The following SDK1 variants were observed in gnomAD, a reference collection of about 807,000 sequenced individuals.
SDK1 encodes sidekick cell adhesion molecule 1, also known as protein sidekick-1.
A neutral mutation model predicts 245.5 loss-of-function variants in SDK1; 157 were observed. The observed-to-expected ratio is 0.64, with a 90% CI of 0.56 to 0.73. SDK1 has a LOEUF of 0.73. Among genes scored for constraint, SDK1 ranks in the 30% least tolerant of loss-of-function variants. SDK1 has a pLI of 0.00. For synonymous variants in SDK1, 1,647 were observed against 1,278.5 expected, an observed-to-expected ratio of 1.29 and a Z score of -6.15; for missense variants, 3,583 against 3,002.3, an observed-to-expected ratio of 1.19 and a Z score of -4.52.
intron 1 of SDK1, among the ~76,000 whole-genome samples, chr7:3,455,917 C>A (rs1359222229): frequency 5.3e-5 from 8 of 152,172 alleles, no homozygotes; most frequent in Admixed American, 5.2e-4. Flanking sequence ...AGTTGACATT[C>A]TATGCTTAGT....
intron 1 of SDK1, among the ~76,000 whole-genome samples, chr7:3,463,379 T>C (rs1000826517): frequency 8.8e-4 from 133 of 151,618 alleles, no homozygotes; most frequent in Non-Finnish European, 1.3e-3. Context: ...AATGAATGAA[T>C]GAACATAGAT....
At chr7:3,995,915 C>T (rs2128142629) in intron 14 of SDK1, among the ~76,000 whole-genome samples, 1 of 151,940 alleles carries the variant, frequency 6.6e-6, no homozygotes, top group East Asian at 1.9e-4. Flanking sequence ...AAGTGTTTGA[C>T]TTTTACGTAG....
intron 4 of SDK1, among the ~76,000 whole-genome samples, chr7:3,778,967 T>A (rs1036963155): frequency 5.9e-5 from 9 of 152,356 alleles, no homozygotes; most frequent in African/African-American, 2.2e-4. Context: ...TGACACTTAA[T>A]AGGATTTGAG....
chr7:4,129,871 G>T (rs2079398), intron 26 of SDK1, 37 bp from the exon 27 acceptor site: 2 of 1,609,540 alleles, frequency 1.2e-6, no homozygotes, highest in Admixed American at 3.3e-5. Flanking sequence ...CCTGGCACCC[G>T]CCTCCTGATA....
chr7:3,357,851 T>G (rs1319099350), intron 1 of SDK1, among the ~76,000 whole-genome samples: 1 of 152,202 alleles, frequency 6.6e-6, no homozygotes, highest in Non-Finnish European at 1.5e-5. Flanking sequence ...TTAAGCGTAT[T>G]TTCCCCTTTG....
At chr7:4,151,779 C>T (rs1311815377) in intron 30 of SDK1, among the ~76,000 whole-genome samples, 1 of 152,222 alleles carries the variant, frequency 6.6e-6, no homozygotes, top group African/African-American at 2.4e-5. Flanking sequence ...TCCCAGTTTA[C>T]ACACGCAGAC....
intron 1 of SDK1, among the ~76,000 whole-genome samples, chr7:3,615,576 T>C (rs931650484): frequency 6.6e-6 from 1 of 151,730 alleles, no homozygotes; most frequent in Non-Finnish European, 1.5e-5. Flanking sequence ...TCTTACACTT[T>C]GTATTCTCAA....
At chr7:4,000,294 C>G (rs557407769) in intron 14 of SDK1, among the ~76,000 whole-genome samples, 2 of 152,204 alleles carry the variant, frequency 1.3e-5, no homozygotes, top group Non-Finnish European at 2.9e-5. Context: ...CTTGTCCTTC[C>G]TCCAGCATGG....
At chr7:3,614,971 G>A (rs1192425980) in intron 1 of SDK1, among the ~76,000 whole-genome samples, 1 of 151,288 alleles carries the variant, frequency 6.6e-6, no homozygotes, top group Non-Finnish European at 1.5e-5. Flanking sequence ...ACATGGTATA[G>A]GCATGTTTGT....
chr7:3,444,940 T>G (rs1300141339), intron 1 of SDK1, among the ~76,000 whole-genome samples: 5 of 152,210 alleles, frequency 3.3e-5, no homozygotes, highest in Non-Finnish European at 7.3e-5. Flanking sequence ...ATTTCCTACT[T>G]ACAAACTACT....
chr7:3,462,601 G>T (rs563900365), intron 1 of SDK1, among the ~76,000 whole-genome samples: 1 of 151,958 alleles, frequency 6.6e-6, no homozygotes, highest in Non-Finnish European at 1.5e-5. Context: ...AACTCAACTC[G>T]AACTAGACCA....
At chr7:3,623,488 G>T (rs1583239329) in intron 2 of SDK1, among the ~76,000 whole-genome samples, 1 of 152,032 alleles carries the variant, frequency 6.6e-6, no homozygotes, top group African/African-American at 2.4e-5. Context: ...TGATCTGCCT[G>T]TCTCAGCCTC....
intron 5 of SDK1, among the ~76,000 whole-genome samples, chr7:3,883,522 C>G (rs904599810): frequency 6.6e-6 from 1 of 152,108 alleles, no homozygotes; most frequent in Non-Finnish European, 1.5e-5. Context: ...AAAATGAGTT[C>G]CAGAAATTCA....
intron 5 of SDK1, among the ~76,000 whole-genome samples, chr7:3,844,539 G>A (rs187536616): frequency 3.3e-5 from 5 of 152,288 alleles, no homozygotes; most frequent in Non-Finnish European, 7.4e-5. Context: ...ATCTGCCCCA[G>A]ATGGACAACT....
intron 1 of SDK1, among the ~76,000 whole-genome samples, chr7:3,365,923 C>A (rs1049087126): frequency 3.1e-4 from 47 of 152,092 alleles, no homozygotes; most frequent in African/African-American, 1.1e-3. Flanking sequence ...CCGGTAATCC[C>A]AGCCACTTGG....
In SDK1 at chr7:3,668,339, G is replaced by A. The variant is rs565795895; in HGVS notation, c.713+26234G>A. 3.4e-4 allele frequency among the ~76,000 whole-genome samples: 52 copies of A among 152,302 alleles called. No individual in the cohort carries two copies. In the South Asian group the frequency reaches 9.3e-3, roughly 27 times the overall value. ...TTCATGGCAAAAGTTGGTATTGACT[G>A]TTAACTGAGAGTTCATCAGAGTTAA... On this transcript the variant is annotated intron_variant, in intron 4 of 44. Coordinates refer to ENST00000404826, the MANE Select transcript of SDK1 (RefSeq NM_152744.4).
At chr7:3,947,170 C>G (rs1284366053) in intron 5 of SDK1, among the ~76,000 whole-genome samples, 2 of 152,160 alleles carry the variant, frequency 1.3e-5, no homozygotes. Context: ...CATGCACACA[C>G]ACACACACGC....
At chr7:3,810,026 G>A (rs936204465) in intron 4 of SDK1, among the ~76,000 whole-genome samples, 1 of 152,172 alleles carries the variant, frequency 6.6e-6, no homozygotes, top group Admixed American at 6.6e-5. Context: ...GTCTTGCTTA[G>A]CCATGGCCAT....
chr7:3,596,646 C>G (rs997063836), intron 1 of SDK1, among the ~76,000 whole-genome samples: 6 of 151,330 alleles, frequency 4.0e-5, no homozygotes, highest in African/African-American at 1.5e-4. Flanking sequence ...TTTCTGATTT[C>G]TTTTCAAATA....
Sources: gnomAD v4.1 joint callset for allele counts (sites outside exome capture counted in the v4.1 genomes callset) on GRCh38, gnomAD v4.1.1 for gene constraint, MANE v1.5 for transcripts, NCBI Gene and HGNC (gene_info 2026-07-23, HGNC 2026-07-21) for gene names.